The following ESPN variants were observed in gnomAD, a reference collection of about 807,000 sequenced individuals.
ESPN encodes the protein autosomal recessive deafness type 36 protein.
A neutral mutation model predicts 77.7 loss-of-function variants in ESPN; 68 were observed. That is an observed-to-expected ratio of 0.87 (90% CI 0.72 to 1.07). ESPN has a LOEUF of 1.07. Among genes scored for constraint, ESPN ranks in the 50% least tolerant of loss-of-function variants. ESPN has a pLI of 0.00. For synonymous variants in ESPN, 449 were observed against 567.1 expected (o/e 0.79, Z 2.96); for missense variants, 1,060 against 1,239.0 (o/e 0.86, Z 2.17).
At chr1:6,446,524 A>G in intron 7 of ESPN, among the ~76,000 whole-genome samples, 1 of 152,066 alleles carries the variant, frequency 6.6e-6, no homozygotes, top group South Asian at 2.1e-4. Flanking sequence ...GAAGGAAGCG[A>G]GCCTGTGTGG....
At chr1:6,446,338 A>G (rs1643839530) in intron 7 of ESPN, among the ~76,000 whole-genome samples, 1 of 151,910 alleles carries the variant, frequency 6.6e-6, no homozygotes, top group Admixed American at 6.5e-5. Flanking sequence ...CACCCAAGGG[A>G]GGTGGCTGCC....
chr1:6,432,260 G>T lies in ESPN; in HGVS notation c.488+3841G>T, dbSNP rs374183653. Among the ~76,000 whole-genome samples, 25 of 152,344 alleles carry T rather than the reference G, an allele frequency of 1.6e-4. No homozygotes were observed. In the East Asian group the frequency reaches 4.6e-3, roughly 28 times the overall value. ...TCCCCCTTAGAAGGCTGGAGGCTGT[G>T]CCTGGGGTGGTCCCTTTCCCCACTA... is the stretch of plus-strand genomic sequence containing the variant. On this transcript the variant is annotated intron_variant, in intron 2 of 12. Coordinates refer to ENST00000645284, the MANE Select transcript of ESPN (RefSeq NM_031475.3).
intron 5 of ESPN, among the ~76,000 whole-genome samples, chr1:6,444,220 G>C (rs1159095122): frequency 6.6e-6 from 1 of 152,160 alleles, no homozygotes; most frequent in Non-Finnish European, 1.5e-5. Flanking sequence ...CCTCCTTGTC[G>C]ATCTCTCCAC....
In ESPN at chr1:6,427,874, G is replaced by A. The variant is rs534592524; in HGVS notation, c.295-352G>A. On this transcript the variant is annotated intron_variant, in intron 1 of 12. Transcript: ENST00000645284. This position sits in a 1 kb window ranked among gnomAD's most constrained non-coding sequence, Gnocchi z 4.6. ...CCTTCAGGCATTCCCTGAGTCCCTG[G>A]GAGTCAGGGCTGTGGCCCTGGGCCT... Among the ~76,000 whole-genome samples the A allele has an allele frequency of 2.0e-5, 3 of 152,350 alleles. No homozygotes were observed. The highest frequency in any genetic ancestry group is 4.8e-5 in the African/African-American group (2 of 41,588).
intron 10 of ESPN, chr1:6,454,978 AGCTGCGCGCACGGGGCGCGGCGCCCGCGC>A: frequency 2.6e-6 from 1 of 379,132 alleles, no homozygotes; most frequent in African/African-American, 2.1e-5. Flanking sequence ...GCCACCTACG[AGCTGCGCGCACGGGGCGCGGCGCCCGCGC>A]GCTGTCCGCG....
At chr1:6,441,113 C>T (rs1643622812) in intron 5 of ESPN, 48 bp downstream of exon 5, 1 of 1,591,104 alleles carries the variant, frequency 6.3e-7, no homozygotes, top group African/African-American at 1.3e-5. Context: ...CTCGCCCCTC[C>T]ACCCCAGTGG....
chr1:6,454,148 G>A (rs1242047349), intron 10 of ESPN, among the ~76,000 whole-genome samples: 1 of 152,206 alleles, frequency 6.6e-6, no homozygotes, highest in Non-Finnish European at 1.5e-5. Flanking sequence ...CAGGCATGGA[G>A]ACCCCGTCTG....
At chr1:6,439,758 C>G (rs1643552205) in intron 2 of ESPN, among the ~76,000 whole-genome samples, 1 of 152,084 alleles carries the variant, frequency 6.6e-6, no homozygotes, top group African/African-American at 2.4e-5. Flanking sequence ...CTCTGTAATC[C>G]CAGCACTTTG....
At chr1:6,454,963 T>C in intron 10 of ESPN, 1 of 381,542 alleles carries the variant, frequency 2.6e-6, no homozygotes, top group African/African-American at 2.1e-5. Context: ...GTGCAGCATC[T>C]CCGCGCCACC....
chr1:6,426,782 C>T (rs987256221), intron 1 of ESPN, among the ~76,000 whole-genome samples: 3 of 152,096 alleles, frequency 2.0e-5, no homozygotes, highest in African/African-American at 4.8e-5. Context: ...CCTGGGTGCC[C>T]GCTAGCCAGC....
chr1:6,455,551 C>T (rs905396758), intron 10 of ESPN: 7 of 398,522 alleles, frequency 1.8e-5, no homozygotes, highest in African/African-American at 1.4e-4. Context: ...CCGGCAAGCC[C>T]GGGCCTGGCG....
At chr1:6,432,350 C>A (rs1218265445) in intron 2 of ESPN, among the ~76,000 whole-genome samples, 1 of 152,194 alleles carries the variant, frequency 6.6e-6, no homozygotes, top group Non-Finnish European at 1.5e-5. Flanking sequence ...CCAGGTCTAC[C>A]CTTGGTGTCT....
intron 5 of ESPN, among the ~76,000 whole-genome samples, chr1:6,443,971 C>T (rs1484885801): frequency 6.6e-6 from 1 of 152,206 alleles, no homozygotes; most frequent in South Asian, 2.1e-4. Flanking sequence ...TCTGGCTGCC[C>T]ATCACTGCAG....
At chr1:6,448,611 C>T (rs768891773) in intron 7 of ESPN, 30 bp from the exon 8 acceptor site, 22 of 1,542,756 alleles carry the variant, frequency 1.4e-5, no homozygotes, top group Non-Finnish European at 1.8e-5. Context: ...GGCAGGTGCC[C>T]GAGCCCCACC....
chr1:6,434,945 G>A (rs1432854849), intron 2 of ESPN, among the ~76,000 whole-genome samples: 1 of 152,144 alleles, frequency 6.6e-6, no homozygotes. Flanking sequence ...GCGGGGAGGT[G>A]TAGAGGCCTC....
chr1:6,425,145 G>A lies in ESPN; in HGVS notation c.190G>A (p.Ala64Thr). 6.6e-7 allele frequency: 1 copy of A among 1,509,258 alleles called. No individual in the cohort carries two copies. The highest frequency in any genetic ancestry group is 2.1e-5 in the Admixed American group (1 of 47,492). The allele number at this position is 1,509,258 out of a possible 1,614,324, so 93.5% of individuals were successfully genotyped here. ...GGTGGAGGAAGCCGCCCTCCCCGCC[G>A]CGGCCCGCGCCCGCAACGGCGCCAC... is the stretch of plus-strand genomic sequence containing the variant. ...FLVEEAALPA[A>T]ARARNGATPA... The change falls in exon 1 of 13, where the codon GCG becomes ACG. Residue 64 changes from alanine (A) to threonine (T), a missense_variant. Ala to Thr is a moderately conservative substitution (Grantham distance 58, BLOSUM62 0). Around this residue, in one of 3 missense-constraint regions of ESPN, gnomAD observed 556 missense variants for 633.6 expected, o/e 0.88. Transcript: ENST00000645284.
At position 6,450,466 on chromosome 1, in the gene ESPN, G is replaced by A; in HGVS notation, c.1916-1137G>A. 3 of 979,862 alleles carry A rather than the reference G, an allele frequency of 3.1e-6. No homozygotes were observed. The highest frequency in any genetic ancestry group is 3.6e-6 in the Non-Finnish European group (3 of 824,468). 60.7% of individuals were successfully genotyped at this position (979,862 alleles called of 1,614,324 possible). A position where few individuals can be genotyped will look rare whatever the true frequency, so the allele number is the denominator to read the frequency against. On this transcript the variant is annotated intron_variant, in intron 8 of 12. Coordinates refer to ENST00000645284, the MANE Select transcript of ESPN (RefSeq NM_031475.3). The surrounding 1 kb of genome is among the most constrained non-coding windows in gnomAD (Gnocchi z 4.3). ...TAGAAGTGAGAGTCCTGAGGCACAGGAAGAGTGAGTAGCTGCGTGCGCGGC... is the reference window on the plus strand; with the variant it reads ...TAGAAGTGAGAGTCCTGAGGCACAGAAAGAGTGAGTAGCTGCGTGCGCGGC...
chr1:6,459,964 C>T, intron 12 of ESPN, 35 bp from the exon 13 acceptor site: 2 of 1,612,518 alleles, frequency 1.2e-6, no homozygotes, highest in Non-Finnish European at 1.7e-6. Flanking sequence ...TGGCCCCAGA[C>T]TTCACCGGGT....
At chr1:6,452,605 C>G (rs1168582823) in intron 10 of ESPN, among the ~76,000 whole-genome samples, 1 of 152,302 alleles carries the variant, frequency 6.6e-6, no homozygotes, top group Non-Finnish European at 1.5e-5. Flanking sequence ...GGTTAAAAGG[C>G]CTGTTCGGAT....
Sources: allele counts gnomAD v4.1 joint callset (sites outside exome capture counted in the v4.1 genomes callset), GRCh38; gene constraint gnomAD v4.1.1; regional missense constraint gnomAD v4.1.1; non-coding constraint Gnocchi (gnomAD v3.1); transcripts MANE v1.5; gene names NCBI Gene and HGNC (gene_info 2026-07-23, HGNC 2026-07-21).